Variants in ACSF3 observed in about 807,000 individuals in gnomAD.
ACSF3 encodes malonate--CoA ligase ACSF3, mitochondrial.
A neutral mutation model predicts 53.2 loss-of-function variants in ACSF3; 78 were observed. The ratio of observed to expected loss-of-function variants is 1.47; its 90% CI spans 1.22 to 1.77. The LOEUF (loss-of-function observed/expected upper bound fraction) is 1.77, where lower values mean the gene tolerates loss of function less well. Among genes scored for constraint, ACSF3 ranks in the 40% most tolerant of loss-of-function variants. ACSF3 has a pLI of 0.00. For synonymous variants in ACSF3, 414 were observed against 333.1 expected (o/e 1.24, Z -2.65); for missense variants, 937 against 771.1 (o/e 1.22, Z -2.55).
At chr16:89,136,657 G>T in intron 8 of ACSF3, 1 of 1,287,178 alleles carries the variant, frequency 7.8e-7, no homozygotes, top group South Asian at 1.2e-5. Context: ...CTCCCCAACG[G>T]CCTCCTCCGG....
At chr16:89,105,427 T>C (rs1975855379) in intron 4 of ACSF3, among the ~76,000 whole-genome samples, 1 of 152,174 alleles carries the variant, frequency 6.6e-6, no homozygotes, top group Admixed American at 6.5e-5. Flanking sequence ...TTTGCTGCAG[T>C]GAGTTCCCCG....
In ACSF3 at chr16:89,149,058, G is replaced by A. The variant is rs181805168; in HGVS notation, c.1613+3009G>A. Reference sequence around the variant, plus strand: ...TGCTTACCTTTTAAATCTAAGTTCCGGTTTCAGGTCATCTCTTTGCTCATG... The same window carrying A: ...TGCTTACCTTTTAAATCTAAGTTCCAGTTTCAGGTCATCTCTTTGCTCATG... On this transcript the variant is annotated intron_variant, in intron 10 of 10. Transcript: ENST00000614302. The A allele has an allele frequency of 1.8e-3, 274 of 152,142 alleles. 3 individuals carry two copies. Among genetic ancestry groups the A allele is most frequent in the African/African-American group, 6.0e-3 (249 of 41,506 alleles). 9.4% of individuals were successfully genotyped at this position (152,142 alleles called of 1,614,324 possible).
intron 10 of ACSF3, 27 bp downstream of exon 10, chr16:89,146,076 G>C (rs774834795): frequency 1.1e-5 from 16 of 1,477,338 alleles, no homozygotes; most frequent in Admixed American, 5.0e-5. Flanking sequence ...CGGGCAGGGA[G>C]CACTCATGGG....
chr16:89,140,131 T>G (rs1424818846), intron 8 of ACSF3, among the ~76,000 whole-genome samples: 1 of 152,228 alleles, frequency 6.6e-6, no homozygotes, highest in African/African-American at 2.4e-5. Context: ...TGCAGAAGCC[T>G]CCAGTGTCCA....
In ACSF3 at chr16:89,112,365, A is replaced by G. The variant is rs4782449; in HGVS notation, c.977+119A>G. 0.72 allele frequency: 957,377 copies of G among 1,336,108 alleles called. 348,721 individuals are homozygous for G. The highest frequency in any genetic ancestry group is 0.78 in the Admixed American group (43,657 of 55,746). 82.8% of individuals were successfully genotyped at this position (1,336,108 alleles called of 1,614,324 possible). A position where few individuals can be genotyped will look rare whatever the true frequency, so the allele number is the denominator to read the frequency against. On this transcript the variant is annotated intron_variant, in intron 5 of 10. Coordinates refer to ENST00000614302, the MANE Select transcript of ACSF3 (RefSeq NM_001243279.3). ...AAGCAGTGCTTTCCATTTCCTTTCA[A>G]TGTTCCCTCTCTCTCTACCCGTCTC... is the stretch of plus-strand genomic sequence containing the variant.
chr16:89,115,533 C>T (rs538647869), intron 6 of ACSF3, among the ~76,000 whole-genome samples: 288 of 152,352 alleles, frequency 1.9e-3, no homozygotes, highest in Middle Eastern at 0.014. Context: ...GGTGTGGGTG[C>T]GGCACCGCTT....
intron 6 of ACSF3, among the ~76,000 whole-genome samples, chr16:89,116,160 G>A (rs1905083408): frequency 1.3e-5 from 2 of 152,204 alleles, no homozygotes; most frequent in South Asian, 2.1e-4. Context: ...TTTTTAGTGT[G>A]TGAATGTCTA....
chr16:89,146,395 G>C (rs891699001), intron 10 of ACSF3, among the ~76,000 whole-genome samples: 1 of 152,154 alleles, frequency 6.6e-6, no homozygotes, highest in African/African-American at 2.4e-5. Context: ...ATGGAGCTGA[G>C]ATCCAGGGTT....
intron 3 of ACSF3, 153 bp from the exon 4 acceptor site, chr16:89,102,451 G>C (rs907664130): frequency 1.6e-5 from 13 of 835,258 alleles, no homozygotes; most frequent in Non-Finnish European, 2.5e-5. Flanking sequence ...CATCTTGAGA[G>C]GCTGCTAAAG....
intron 7 of ACSF3, among the ~76,000 whole-genome samples, chr16:89,123,658 C>T (rs1234379263): frequency 6.6e-6 from 1 of 152,204 alleles, no homozygotes; most frequent in African/African-American, 2.4e-5. Context: ...AGATGATCAG[C>T]CAGGCCTTCA....
Position 89,155,515 on chromosome 16 carries a change from C to T in ACSF3, c.*1308C>T, listed in dbSNP as rs187126304. The T allele has an allele frequency of 2.2e-6, 1 of 454,136 alleles. No individual in the cohort carries two copies. Among genetic ancestry groups the T allele is most frequent in the South Asian group, 1.6e-5 (1 of 64,476 alleles). 28.1% of individuals were successfully genotyped at this position (454,136 alleles called of 1,614,324 possible). On this transcript the variant is annotated 3_prime_UTR_variant, in exon 11 of 11. Coordinates refer to ENST00000614302, the MANE Select transcript of ACSF3 (RefSeq NM_001243279.3). ...TGTTTTCCAGGACTGGTGGGTGCCCCAGTCCACGGCCCTGCCCCACCCGAA... is the reference window on the plus strand; with the variant it reads ...TGTTTTCCAGGACTGGTGGGTGCCCTAGTCCACGGCCCTGCCCCACCCGAA...
chr16:89,130,248 T>A (rs1404133610), intron 7 of ACSF3, among the ~76,000 whole-genome samples: 1 of 152,206 alleles, frequency 6.6e-6, no homozygotes, highest in Non-Finnish European at 1.5e-5. Flanking sequence ...GAATTCTGGG[T>A]TGACAACTAT....
intron 8 of ACSF3, among the ~76,000 whole-genome samples, chr16:89,142,442 CG>C (rs1169083661): frequency 6.6e-6 from 1 of 152,142 alleles, no homozygotes; most frequent in African/African-American, 2.4e-5. Context: ...ACCAGGGCTT[CG>C]ACCTCTGGGG....
At chr16:89,121,558 G>T (rs546526730) in intron 7 of ACSF3, among the ~76,000 whole-genome samples, 1 of 152,358 alleles carries the variant, frequency 6.6e-6, no homozygotes, top group South Asian at 2.1e-4. Context: ...AAGGTTTAGG[G>T]ATTATGGGGA....
At chr16:89,111,400 G>A (rs543388307) in intron 4 of ACSF3, among the ~76,000 whole-genome samples, 5 of 152,378 alleles carry the variant, frequency 3.3e-5, no homozygotes, top group South Asian at 4.1e-4. Flanking sequence ...CAGTTTCAAC[G>A]CCGTGTGGGC....
chr16:89,125,698 A>AAAAGAGAGAG (rs373857710), intron 7 of ACSF3, among the ~76,000 whole-genome samples: 1 of 147,894 alleles, frequency 6.8e-6, no homozygotes, highest in African/African-American at 2.5e-5. Flanking sequence ...CAAAAAAAAA[A>AAAAGAGAGAG]AGAGAGAGAG....
In ACSF3 at chr16:89,154,088, A is replaced by G. The variant is rs201475621; in HGVS notation, c.1614-2A>G. ...CGCCTCAGGCTGTGCTTGTCTCTGCAGAAATGTCCTGGCCCCGTACGCGGT... is the reference window on the plus strand; with the variant it reads ...CGCCTCAGGCTGTGCTTGTCTCTGCGGAAATGTCCTGGCCCCGTACGCGGT... On this transcript the variant is annotated splice_acceptor_variant, in intron 10 of 10. Transcript: ENST00000614302. LOFTEE classifies it high-confidence loss of function. 8 of 1,612,536 alleles carry G rather than the reference A, an allele frequency of 5.0e-6. No homozygotes were observed. The East Asian group carries it at 1.6e-4, about 31-fold the overall frequency.
intron 8 of ACSF3, among the ~76,000 whole-genome samples, chr16:89,134,160 G>A (rs1281953740): frequency 1.3e-5 from 2 of 152,254 alleles, no homozygotes; most frequent in African/African-American, 2.4e-5. Context: ...ATGGTAGCGG[G>A]CAGCTTCCAA....
chr16:89,100,523 C>A, intron 2 of ACSF3, 139 bp from the exon 3 acceptor site: 1 of 831,696 alleles, frequency 1.2e-6, no homozygotes, highest in Non-Finnish European at 1.9e-6. Context: ...TGGACGTGGC[C>A]TGTCTGGTGC....
Sources: gnomAD v4.1 joint callset for allele counts (sites outside exome capture counted in the v4.1 genomes callset) on GRCh38, gnomAD v4.1.1 for gene constraint, MANE v1.5 for transcripts, NCBI Gene and HGNC (gene_info 2026-07-23, HGNC 2026-07-21) for gene names.